DYNC1LI1: variants seen among roughly 807,000 people sequenced by gnomAD.
DYNC1LI1 encodes dynein cytoplasmic 1 light intermediate chain 1, also known as cytoplasmic dynein 1 light intermediate chain 1.
DYNC1LI1 carries 19 observed loss-of-function variants against 63.8 expected under a neutral mutation model. The observed-to-expected ratio is 0.30, with a 90% CI of 0.21 to 0.44. The LOEUF is 0.44. Ranked by LOEUF, DYNC1LI1 falls within the 20% of genes least tolerant of loss-of-function variation. The pLI is 1.00. For synonymous variants in DYNC1LI1, 225 were observed against 232.3 expected (o/e 0.97, Z 0.28); for missense variants, 565 against 630.2 (o/e 0.90, Z 1.11).
At chr3:32,546,155 C>G (rs1421261760) in intron 2 of DYNC1LI1, among the ~76,000 whole-genome samples, 190 bp from the exon 3 acceptor site, 4 of 152,152 alleles carry the variant, frequency 2.6e-5, no homozygotes, top group Non-Finnish European at 5.9e-5. Context: ...CACCTGTAAT[C>G]CCAGCACTTT....
intron 2 of DYNC1LI1, among the ~76,000 whole-genome samples, chr3:32,559,080 C>T (rs1364402721): frequency 1.4e-5 from 2 of 143,440 alleles, no homozygotes; most frequent in African/African-American, 2.7e-5. Flanking sequence ...TTTTTAAAGA[C>T]AGAGTCTATG....
At chr3:32,554,357 A>G (rs192297494) in intron 2 of DYNC1LI1, among the ~76,000 whole-genome samples, 6 of 152,370 alleles carry the variant, frequency 3.9e-5, no homozygotes, top group Non-Finnish European at 8.8e-5. Context: ...GCATATGGTC[A>G]AATAAATGTA....
chr3:32,538,022 ATT>A (rs1421088023), intron 5 of DYNC1LI1, among the ~76,000 whole-genome samples: 1 of 19,630 alleles, frequency 5.1e-5, no homozygotes, highest in Non-Finnish European at 7.2e-5. Flanking sequence ...TATATATATA[ATT>A]TATATATATA....
chr3:32,534,428 C>A, intron 7 of DYNC1LI1, 83 bp downstream of exon 7: 2 of 1,013,152 alleles, frequency 2.0e-6, no homozygotes, highest in East Asian at 2.6e-5. Context: ...TCTATTGGTC[C>A]CATCTCAAAA....
intron 2 of DYNC1LI1, among the ~76,000 whole-genome samples, chr3:32,553,595 G>A (rs567746304): frequency 1.3e-4 from 20 of 152,256 alleles, no homozygotes; most frequent in African/African-American, 3.4e-4. Context: ...ATGTCCCTTC[G>A]CCCATACCTT....
rs774063353 is a variant in DYNC1LI1, at chr3:32,537,051, A to G, written c.792T>C (p.Phe264=). 5.0e-6 allele frequency: 8 copies of G among 1,600,856 alleles called. No individual in the cohort carries two copies. The highest frequency in any genetic ancestry group is 6.0e-6 in the Non-Finnish European group (7 of 1,174,462). The change falls in exon 6 of 13, where the codon TTT becomes TTC. Residue 264 remains phenylalanine, a synonymous_variant. Transcript: ENST00000273130. Reference sequence around the variant, plus strand: ...TCCGGATATGTGACTGAATAAAATCAAAATGTTCATCTCTGTAGTCATGTT... The same window carrying G: ...TCCGGATATGTGACTGAATAAAATCGAAATGTTCATCTCTGTAGTCATGTT... The part of the protein sequence containing the change: ...EKEHDYRDEH[F]DFIQSHIRKF...
At chr3:32,539,991 A>T (rs1008677543) in intron 5 of DYNC1LI1, among the ~76,000 whole-genome samples, 7 of 150,794 alleles carry the variant, frequency 4.6e-5, no homozygotes, top group African/African-American at 1.7e-4. Flanking sequence ...CAGCCTCCTG[A>T]GTAGCTGGGA....
At chr3:32,537,713 A>C (rs532016378) in intron 5 of DYNC1LI1, among the ~76,000 whole-genome samples, 1 of 150,162 alleles carries the variant, frequency 6.7e-6, no homozygotes, top group Non-Finnish European at 1.5e-5. Flanking sequence ...AAATGCTAAG[A>C]AAAATACAAA....
intron 8 of DYNC1LI1, 158 bp downstream of exon 8, chr3:32,532,828 T>A (rs1389062863): frequency 2.4e-6 from 3 of 1,255,324 alleles, no homozygotes; most frequent in East Asian, 6.3e-5. Flanking sequence ...AACAAATCCT[T>A]ATGTAAACTG....
intron 5 of DYNC1LI1, 142 bp from the exon 6 acceptor site, chr3:32,537,246 T>C (rs1697786927): frequency 2.2e-6 from 1 of 449,510 alleles, no homozygotes; most frequent in Non-Finnish European, 3.9e-6. Flanking sequence ...ACACAGAATA[T>C]CAAGTACCCT....
In DYNC1LI1 at chr3:32,533,132, T is replaced by C. The variant is rs750363150; in HGVS notation, c.969-35A>G. On this transcript the variant is annotated intron_variant, in intron 7 of 12. Transcript: ENST00000273130. ...AATACATATGATAAATTCTCAAGCA[T>C]TTATATAGTCATTCTTTCATTCAGT... The C allele has an allele frequency of 2.5e-6, 4 of 1,569,212 alleles. No individual in the cohort carries two copies. The South Asian group carries it at 3.6e-5, about 14-fold the overall frequency.
At chr3:32,533,466 A>T (rs1045830686) in intron 7 of DYNC1LI1, among the ~76,000 whole-genome samples, 8 of 152,124 alleles carry the variant, frequency 5.3e-5, no homozygotes, top group Non-Finnish European at 1.0e-4. Flanking sequence ...AACAGGAGTG[A>T]GACCCTGTCT....
intron 2 of DYNC1LI1, among the ~76,000 whole-genome samples, chr3:32,562,951 C>A (rs1698212745): frequency 6.6e-6 from 1 of 152,086 alleles, no homozygotes; most frequent in South Asian, 2.1e-4. Flanking sequence ...TTGTTCTCCC[C>A]TCACCCTTCT....
Position 32,570,378 on chromosome 3 carries a change from T to C in DYNC1LI1, c.188A>G (p.Lys63Arg). 3 of 1,606,214 alleles carry C rather than the reference T, an allele frequency of 1.9e-6. No individual in the cohort carries two copies. Among genetic ancestry groups the C allele is most frequent in the Non-Finnish European group, 2.5e-6 (3 of 1,177,300 alleles). The change falls in exon 2 of 13, where the codon AAG becomes AGG. Residue 63 changes from lysine (K) to arginine (R), a missense_variant. Physicochemically the swap from Lys to Arg is conservative, Grantham distance 26 (BLOSUM62 2). Transcript: ENST00000273130. Reference protein sequence around the residue: ...LSEVSTRSRSKLPAGKNVLLL... With the variant: ...LSEVSTRSRSRLPAGKNVLLL... ...TAGCACGTTCTTCCCCGCAGGGAGC[T>C]TGGAGCGCGAGCGGGTGGAGACCTC...
At chr3:32,547,400 C>T (rs1277738620) in intron 2 of DYNC1LI1, among the ~76,000 whole-genome samples, 2 of 152,140 alleles carry the variant, frequency 1.3e-5, no homozygotes, top group Non-Finnish European at 2.9e-5. Context: ...TTGCTTGAAT[C>T]TAAGGACTTA....
chr3:32,550,127 TTCATGACA>T (rs2125440175), intron 2 of DYNC1LI1, among the ~76,000 whole-genome samples: 1 of 152,324 alleles, frequency 6.6e-6, no homozygotes, highest in South Asian at 2.1e-4. Flanking sequence ...TGAGCCTGAA[TTCATGACA>T]TCAAAAATAC....
At chr3:32,549,294 T>A (rs1344902082) in intron 2 of DYNC1LI1, among the ~76,000 whole-genome samples, 1 of 150,614 alleles carries the variant, frequency 6.6e-6, no homozygotes, top group Non-Finnish European at 1.5e-5. Flanking sequence ...AATAAGTATA[T>A]CTAGTTGCCT....
chr3:32,561,554 G>A (rs1698194499), intron 2 of DYNC1LI1, among the ~76,000 whole-genome samples: 2 of 151,956 alleles, frequency 1.3e-5, no homozygotes, highest in South Asian at 4.2e-4. Context: ...GCTTGAACCC[G>A]GGAGTCAGAG....
chr3:32,559,025 A>C (rs745386408), intron 2 of DYNC1LI1, among the ~76,000 whole-genome samples: 6 of 151,848 alleles, frequency 4.0e-5, no homozygotes, highest in Admixed American at 6.6e-5. Context: ...TGATGGATTT[A>C]AAATGCTGTA....
Sources: gnomAD v4.1 joint callset for allele counts (sites outside exome capture counted in the v4.1 genomes callset) on GRCh38, gnomAD v4.1.1 for gene constraint, MANE v1.5 for transcripts, NCBI Gene and HGNC (gene_info 2026-07-23, HGNC 2026-07-21) for gene names.